Variants in EVI5 observed in about 807,000 individuals in gnomAD.
EVI5 encodes ecotropic viral integration site 5, also known as ecotropic viral integration site 5 protein homolog.
EVI5 carries 73 observed loss-of-function variants against 112.0 expected under a neutral mutation model. The observed-to-expected ratio is 0.65, with a 90% CI of 0.54 to 0.79. The LOEUF (loss-of-function observed/expected upper bound fraction) is 0.79, where lower values mean the gene tolerates loss of function less well. EVI5 is among the 30% of genes least tolerant of loss of function. The pLI, the probability that EVI5 is intolerant of heterozygous loss-of-function variation, is 0.00. For synonymous variants in EVI5, 305 were observed against 319.9 expected, an observed-to-expected ratio of 0.95 and a Z score of 0.50; for missense variants, 900 against 968.8, an observed-to-expected ratio of 0.93 and a Z score of 0.94.
chr1:92,788,071 A>G (rs992680703), upstream of EVI5, among the ~76,000 whole-genome samples: 1 of 152,206 alleles, frequency 6.6e-6, no homozygotes, highest in African/African-American at 2.4e-5. Context: ...CTGGGTGGTA[A>G]AAATGGTCTC....
At chr1:92,779,856 A>G (rs1684636438) in intron 1 of EVI5, among the ~76,000 whole-genome samples, 1 of 152,152 alleles carries the variant, frequency 6.6e-6, no homozygotes, top group Non-Finnish European at 1.5e-5. Context: ...GTCAGTGGAG[A>G]GGCATGGGGC....
At chr1:92,680,250 T>C (rs866292216) in intron 9 of EVI5, among the ~76,000 whole-genome samples, 23 of 152,326 alleles carry the variant, frequency 1.5e-4, no homozygotes, top group African/African-American at 5.5e-4. Context: ...AGCTCATTAC[T>C]GCGCAGGAGC....
chr1:92,553,709 C>T (rs1352635971), intron 19 of EVI5, among the ~76,000 whole-genome samples: 2 of 152,202 alleles, frequency 1.3e-5, no homozygotes, highest in Non-Finnish European at 2.9e-5. Flanking sequence ...GGTGGAATCA[C>T]AGGTGTGAGC....
At chr1:92,521,633 A>T (rs945374698) in intron 19 of EVI5, among the ~76,000 whole-genome samples, 2 of 152,014 alleles carry the variant, frequency 1.3e-5, no homozygotes, top group Admixed American at 6.6e-5. Context: ...GGAGGTTGCC[A>T]GTGAGCTGAG....
At position 92,510,143 on chromosome 1, in the gene EVI5, G is replaced by A. The variant is rs546671883; in HGVS notation, c.*3513C>T. On this transcript the variant is annotated 3_prime_UTR_variant, in exon 20 of 20. Coordinates refer to ENST00000684568, the MANE Select transcript of EVI5 (RefSeq NM_001350197.2). The stretch of plus-strand genomic sequence containing the variant: ...TTGTCCAAATTACAAGAGTTTCAAC[G>A]GATTAAGGTTTCCTTACCATGATTC... 3.3e-5 allele frequency: 5 copies of A among 152,196 alleles called. No homozygotes were observed. The South Asian group carries it at 8.3e-4, about 25-fold the overall frequency. The allele number at this position is 152,196 out of a possible 1,614,324, so 9.4% of individuals were successfully genotyped here.
chr1:92,600,059 G>A (rs558280821), intron 18 of EVI5, among the ~76,000 whole-genome samples: 9 of 152,206 alleles, frequency 5.9e-5, no homozygotes, highest in South Asian at 2.1e-4. Flanking sequence ...ATGAACTAAC[G>A]GAGTGGTAGG....
At chr1:92,665,602 T>G (rs1256235606) in intron 11 of EVI5, among the ~76,000 whole-genome samples, 2 of 152,206 alleles carry the variant, frequency 1.3e-5, no homozygotes, top group African/African-American at 4.8e-5. Flanking sequence ...GGGCAACATT[T>G]GAAACTCATC....
At position 92,703,457 on chromosome 1, in the gene EVI5, C is replaced by T; in HGVS notation, c.502G>A (p.Glu168Lys). The change falls in exon 4 of 20, where the codon GAA (glutamate) becomes AAA (lysine). Residue 168 changes from glutamate (E) to lysine (K), a missense_variant. Coordinates refer to ENST00000684568, the MANE Select transcript of EVI5 (RefSeq NM_001350197.2). The stretch of plus-strand genomic sequence containing the variant: ...TCTTTTTCCTTAAAAAAGTTGTGTT[C>T]AGGGTAAGTTCTAGCAATGTCCCTT... ...IRRDIARTYP[E>K]HNFFKEKDSL... 1.3e-6 allele frequency: 2 copies of T among 1,594,912 alleles called. No homozygotes were observed. The highest frequency in any genetic ancestry group is 1.7e-6 in the Non-Finnish European group (2 of 1,175,116).
chr1:92,525,267 C>CTTT (rs745392747), intron 19 of EVI5, among the ~76,000 whole-genome samples: 5,981 of 104,300 alleles, frequency 0.057, 725 homozygotes, highest in East Asian at 0.31. Context: ...ATGACAATGC[C>CTTT]TTTTTTTTTT....
intron 16 of EVI5, among the ~76,000 whole-genome samples, chr1:92,611,047 T>C (rs1203921678): frequency 4.0e-5 from 6 of 151,366 alleles, no homozygotes; most frequent in Non-Finnish European, 2.9e-5. Flanking sequence ...TGTATACATA[T>C]GTAACTAACC....
intron 1 of EVI5, among the ~76,000 whole-genome samples, chr1:92,772,134 G>A (rs1054852987): frequency 2.0e-5 from 3 of 151,622 alleles, no homozygotes; most frequent in African/African-American, 4.8e-5. Flanking sequence ...TTACAGGCGT[G>A]AGCCACCACA....
chr1:92,524,763 T>C lies in EVI5; in HGVS notation c.2167-10793A>G, dbSNP rs563435231. Among the ~76,000 whole-genome samples, 7 of 152,332 alleles carry C rather than the reference T, an allele frequency of 4.6e-5. No homozygotes were observed. The South Asian group carries it at 1.2e-3, about 27-fold the overall frequency. ...ATATCCAGGTGACAAGCCATATTCT[T>C]TAAGGAATAACATGTCTACCCTTAG... On this transcript the variant is annotated intron_variant, in intron 19 of 19. Transcript: ENST00000684568.
At chr1:92,761,451 T>G (rs556668695) in intron 1 of EVI5, among the ~76,000 whole-genome samples, 34 of 152,348 alleles carry the variant, frequency 2.2e-4, no homozygotes, top group Admixed American at 7.8e-4. Context: ...CATCCTAAAA[T>G]GTTTGCTCAA....
intron 19 of EVI5, among the ~76,000 whole-genome samples, chr1:92,526,346 G>A (rs963240080): frequency 6.6e-6 from 1 of 152,164 alleles, no homozygotes; most frequent in Non-Finnish European, 1.5e-5. Flanking sequence ...GGCATAAGCC[G>A]CCGTGCCCAG....
chr1:92,765,687 T>A (rs1368080497), intron 1 of EVI5, among the ~76,000 whole-genome samples: 1 of 152,068 alleles, frequency 6.6e-6, no homozygotes, highest in Non-Finnish European at 1.5e-5. Context: ...AAACCTAAAG[T>A]TGTCTTCCTT....
intron 2 of EVI5, among the ~76,000 whole-genome samples, chr1:92,711,963 C>A (rs1055976932): frequency 4.6e-5 from 7 of 152,144 alleles, no homozygotes; most frequent in Non-Finnish European, 7.4e-5. Context: ...AGATGGAGGC[C>A]TTTACGGGCC....
intron 19 of EVI5, among the ~76,000 whole-genome samples, chr1:92,548,166 A>C (rs1666108353): frequency 6.6e-6 from 1 of 152,230 alleles, no homozygotes; most frequent in African/African-American, 2.4e-5. Context: ...AGTGGGCTTC[A>C]TCCCTGGGAT....
At position 92,551,042 on chromosome 1, in the gene EVI5, T is replaced by TTTC. The variant is rs1382875385; in HGVS notation, c.2166+12599_2166+12600insGAA. The stretch of plus-strand genomic sequence containing the variant: ...TTTTTTCTTTTCTTTCTTTCTTTCT[T>TTTC]TTTTTTTTTTTTTTTTTTGAGACTT... On this transcript the variant is annotated intron_variant, in intron 19 of 19. Coordinates refer to ENST00000684568, the MANE Select transcript of EVI5 (RefSeq NM_001350197.2). 3.6e-3 allele frequency among the ~76,000 whole-genome samples: 268 copies of TTTC among 73,500 alleles called. 13 individuals carry two copies. Among genetic ancestry groups the TTTC allele is most frequent in the African/African-American group, 0.016 (244 of 15,180 alleles). 48.2% of individuals were successfully genotyped at this position (73,500 alleles called of 152,430 possible). A position where few individuals can be genotyped will look rare whatever the true frequency, so the allele number is the denominator to read the frequency against.
At chr1:92,765,512 A>G (rs1184634080) in intron 1 of EVI5, among the ~76,000 whole-genome samples, 1 of 150,792 alleles carries the variant, frequency 6.6e-6, no homozygotes, top group African/African-American at 2.4e-5. Flanking sequence ...ATATCAAGAC[A>G]CATATTTTTC....
Sources: gnomAD v4.1 joint callset for allele counts (sites outside exome capture counted in the v4.1 genomes callset) on GRCh38, gnomAD v4.1.1 for gene constraint, MANE v1.5 for transcripts, NCBI Gene and HGNC (gene_info 2026-07-23, HGNC 2026-07-21) for gene names.